PPP1R16B: variants seen among roughly 807,000 people sequenced by gnomAD.
PPP1R16B encodes the protein protein phosphatase 1 regulatory subunit 16B.
Under a neutral mutation model 61.7 loss-of-function variants are expected in PPP1R16B, and 14 were observed. That is an observed-to-expected ratio of 0.23 (90% confidence interval 0.15 to 0.35). PPP1R16B has a LOEUF of 0.35. Ranked by LOEUF, PPP1R16B falls within the 10% of genes least tolerant of loss-of-function variation. The probability of loss-of-function intolerance (pLI) is 1.00; values close to 1 mark genes in which losing one functional copy is unlikely to be tolerated. For missense variants in PPP1R16B, 547 were observed against 752.5 expected (o/e 0.73, Z 3.19); for synonymous variants, 266 against 305.3 (o/e 0.87, Z 1.34).
At chr20:38,870,468 C>T (rs1169356110) in intron 2 of PPP1R16B, among the ~76,000 whole-genome samples, 2 of 152,080 alleles carry the variant, frequency 1.3e-5, no homozygotes, top group African/African-American at 4.8e-5. Flanking sequence ...CAGGTGGGTC[C>T]CTCTGAGGAG....
chr20:38,809,249 C>T (rs545940984), intron 1 of PPP1R16B, among the ~76,000 whole-genome samples: 1 of 75,402 alleles, frequency 1.3e-5, no homozygotes, highest in Non-Finnish European at 2.8e-5. Flanking sequence ...TCTCCTGGGG[C>T]GGGGGTGGGG....
chr20:38,893,066 A>G (rs113034350), intron 3 of PPP1R16B, among the ~76,000 whole-genome samples: 1 of 152,112 alleles, frequency 6.6e-6, no homozygotes, highest in East Asian at 1.9e-4. Flanking sequence ...CAGTTTCCCC[A>G]TCTATAAAAG....
chr20:38,907,086 A>G lies in PPP1R16B; in HGVS notation c.898+32A>G, dbSNP rs930735823. The G allele has an allele frequency of 1.3e-6, 2 of 1,531,996 alleles. No homozygotes were observed. Among genetic ancestry groups the G allele is most frequent in the Non-Finnish European group, 9.0e-7 (1 of 1,105,142 alleles). 94.9% of individuals were successfully genotyped at this position (1,531,996 alleles called of 1,614,324 possible). On this transcript the variant is annotated intron_variant, in intron 8 of 10. Transcript: ENST00000299824. The surrounding 1 kb of genome is among the most constrained non-coding windows in gnomAD (Gnocchi z 4.5). ...CCAGCACAATAGCTGGTGTGCACAA[A>G]TAGGCAGTTATCAATGTTTTGATGG...
intron 2 of PPP1R16B, among the ~76,000 whole-genome samples, chr20:38,855,848 A>C (rs1444603338): frequency 6.8e-6 from 1 of 147,536 alleles, no homozygotes; most frequent in Non-Finnish European, 1.5e-5. Flanking sequence ...CAAAGATAAT[A>C]GGCAGGACAT....
intron 10 of PPP1R16B, among the ~76,000 whole-genome samples, chr20:38,911,270 C>T (rs1312232517): frequency 2.0e-5 from 3 of 150,838 alleles, no homozygotes; most frequent in East Asian, 2.0e-4. Flanking sequence ...GGGTTCATGC[C>T]GTTCTCCTGC....
intron 2 of PPP1R16B, among the ~76,000 whole-genome samples, chr20:38,845,415 C>T (rs973481547): frequency 5.3e-5 from 8 of 152,104 alleles, no homozygotes; most frequent in Non-Finnish European, 1.2e-4. Context: ...CCACTATACT[C>T]CAGCCTAAGT....
At chr20:38,836,863 T>C (rs1294277658) in intron 2 of PPP1R16B, among the ~76,000 whole-genome samples, 1 of 152,204 alleles carries the variant, frequency 6.6e-6, no homozygotes, top group Non-Finnish European at 1.5e-5. Flanking sequence ...AGCCTTTGGC[T>C]GAGGAATACC....
chr20:38,821,240 TGATG>T (rs2084771859), intron 1 of PPP1R16B, among the ~76,000 whole-genome samples: 1 of 152,158 alleles, frequency 6.6e-6, no homozygotes, highest in Non-Finnish European at 1.5e-5. Flanking sequence ...GGACTCCCTG[TGATG>T]TCCCAGAGTT....
At chr20:38,854,079 G>T (rs549902462) in intron 2 of PPP1R16B, among the ~76,000 whole-genome samples, 1 of 152,226 alleles carries the variant, frequency 6.6e-6, no homozygotes, top group South Asian at 2.1e-4. Flanking sequence ...CTTTGCTTTA[G>T]ATCCGAATTC....
intron 1 of PPP1R16B, among the ~76,000 whole-genome samples, chr20:38,822,751 T>A (rs1179188809): frequency 2.0e-5 from 3 of 152,140 alleles, no homozygotes; most frequent in Non-Finnish European, 2.9e-5. Context: ...CAGAGAAAAT[T>A]GCCAGAAGAA....
chr20:38,842,434 C>T (rs1480805046), intron 2 of PPP1R16B, among the ~76,000 whole-genome samples: 1 of 152,174 alleles, frequency 6.6e-6, no homozygotes, highest in Non-Finnish European at 1.5e-5. Flanking sequence ...GTTTTTCTCT[C>T]AGAATGTGTA....
chr20:38,832,381 T>A (rs1321137377), intron 1 of PPP1R16B, among the ~76,000 whole-genome samples: 1 of 152,120 alleles, frequency 6.6e-6, no homozygotes, highest in Non-Finnish European at 1.5e-5. Context: ...TGGAGTGAAA[T>A]AAACTTGTGA....
chr20:38,906,135 G>A, intron 7 of PPP1R16B, 41 bp downstream of exon 7: 26 of 1,586,366 alleles, frequency 1.6e-5, no homozygotes, highest in Non-Finnish European at 2.2e-5. Flanking sequence ...GCCGGCACAG[G>A]GCTAACCTGC....
intron 1 of PPP1R16B, among the ~76,000 whole-genome samples, chr20:38,819,882 A>G (rs141858732): frequency 1.4e-4 from 21 of 152,310 alleles, no homozygotes; most frequent in African/African-American, 4.8e-4. Context: ...GAACCTATCT[A>G]TTTAACCCAT....
At chr20:38,899,926 A>C (rs1259298888) in intron 4 of PPP1R16B, among the ~76,000 whole-genome samples, 4 of 151,850 alleles carry the variant, frequency 2.6e-5, no homozygotes, top group African/African-American at 9.7e-5. Flanking sequence ...CCTCCCGAAT[A>C]GCTGGGATTA....
intron 2 of PPP1R16B, among the ~76,000 whole-genome samples, chr20:38,884,306 G>C (rs995567701): frequency 1.3e-5 from 2 of 152,204 alleles, no homozygotes; most frequent in African/African-American, 4.8e-5. Context: ...TTATGCAAGC[G>C]TATTTGCATA....
chr20:38,847,890 T>C (rs1239742031), intron 2 of PPP1R16B, among the ~76,000 whole-genome samples: 1 of 152,222 alleles, frequency 6.6e-6, no homozygotes, highest in African/African-American at 2.4e-5. Flanking sequence ...GGAGTTCTTA[T>C]TTTTTATATT....
At position 38,845,027 on chromosome 20, in the gene PPP1R16B, A is replaced by G. The variant is rs370901519; in HGVS notation, c.250+8852A>G. Among the ~76,000 whole-genome samples the G allele has an allele frequency of 1.4e-3, 218 of 150,996 alleles. 1 individual carries two copies. Among genetic ancestry groups the G allele is most frequent in the African/African-American group, 5.0e-3 (205 of 40,982 alleles). ...CAAGGAAATGAACCTACTGGAACCT[A>G]AGGAAGGCACCGTATGGAGAGGGCT... On this transcript the variant is annotated intron_variant, in intron 2 of 10. Coordinates refer to ENST00000299824, the MANE Select transcript of PPP1R16B (RefSeq NM_015568.4).
At chr20:38,891,456 T>A (rs2085291655) in intron 3 of PPP1R16B, among the ~76,000 whole-genome samples, 1 of 152,222 alleles carries the variant, frequency 6.6e-6, no homozygotes, top group Admixed American at 6.5e-5. Flanking sequence ...CCCTGCAAAT[T>A]ACTTCAGTTA....
Sources: gnomAD v4.1 joint callset for allele counts (sites outside exome capture counted in the v4.1 genomes callset) on GRCh38, gnomAD v4.1.1 for gene constraint, Gnocchi (gnomAD v3.1) non-coding constraint, MANE v1.5 for transcripts, NCBI Gene and HGNC (gene_info 2026-07-23, HGNC 2026-07-21) for gene names.